The following UBE2V2 variants were observed in gnomAD, a reference collection of about 807,000 sequenced individuals.
UBE2V2 encodes ubiquitin-conjugating enzyme E2 variant 2.
A neutral mutation model predicts 17.2 loss-of-function variants in UBE2V2; 9 were observed. The observed-to-expected ratio is 0.52, with a 90% CI of 0.32 to 0.91. UBE2V2 has a LOEUF of 0.91. Among genes scored for constraint, UBE2V2 ranks in the 40% least tolerant of loss-of-function variants. The probability of loss-of-function intolerance (pLI) is 0.04; values close to 1 mark genes in which losing one functional copy is unlikely to be tolerated. For missense variants in UBE2V2, 133 were observed against 182.6 expected (o/e 0.73, Z 1.56); for synonymous variants, 61 against 57.5 (o/e 1.06, Z -0.28).
chr8:48,011,574 T>TTTGA (rs570262036), intron 1 of UBE2V2, among the ~76,000 whole-genome samples: 2 of 152,228 alleles, frequency 1.3e-5, no homozygotes, highest in Non-Finnish European at 2.9e-5. Flanking sequence ...TGATCTTTAG[T>TTTGA]TCAGTGTGCA....
rs1233932532 is a variant in UBE2V2, at chr8:48,064,224, A to G, written c.*3396A>G. On this transcript the variant is annotated 3_prime_UTR_variant, in exon 4 of 4. Transcript: ENST00000523111. ...GCATCTGTATGTGTAATATCATAGTATCATTTATTGCTGGGATGGATCGAA... is the reference window on the plus strand; with the variant it reads ...GCATCTGTATGTGTAATATCATAGTGTCATTTATTGCTGGGATGGATCGAA... 1 of 152,306 alleles carries G rather than the reference A, an allele frequency of 6.6e-6. No individual in the cohort carries two copies. The highest frequency in any genetic ancestry group is 1.5e-5 in the Non-Finnish European group (1 of 68,026). 9.4% of individuals were successfully genotyped at this position (152,306 alleles called of 1,614,324 possible). A position where few individuals can be genotyped will look rare whatever the true frequency, so the allele number is the denominator to read the frequency against.
At chr8:48,009,454 CG>C (rs1036925844) in intron 1 of UBE2V2, among the ~76,000 whole-genome samples, 66 of 151,814 alleles carry the variant, frequency 4.3e-4, no homozygotes, top group African/African-American at 1.5e-3. Flanking sequence ...TTAGTAGAGA[CG>C]GGGTTTTGTC....
chr8:48,015,895 GT>G (rs1168641766), intron 1 of UBE2V2, among the ~76,000 whole-genome samples: 1,564 of 132,180 alleles, frequency 0.012, 10 homozygotes, highest in African/African-American at 0.039. Context: ...TGTCTGTGTG[GT>G]TTTTTTTTTT....
At chr8:48,057,599 G>A (rs541119826) in intron 3 of UBE2V2, among the ~76,000 whole-genome samples, 3 of 152,020 alleles carry the variant, frequency 2.0e-5, no homozygotes, top group South Asian at 4.2e-4. Context: ...CACTGCACCC[G>A]ACCTTTAAAT....
At chr8:48,058,946 G>A (rs180991409) in intron 3 of UBE2V2, among the ~76,000 whole-genome samples, 50 of 151,890 alleles carry the variant, frequency 3.3e-4, no homozygotes, top group African/African-American at 1.1e-3. Context: ...TTGCTCTGTC[G>A]CCCAGGGTGG....
intron 1 of UBE2V2, among the ~76,000 whole-genome samples, chr8:48,030,851 G>A (rs2091377562): frequency 6.6e-6 from 1 of 151,934 alleles, no homozygotes; most frequent in South Asian, 2.1e-4. Context: ...GTGAAACCCC[G>A]TCTCTACTAA....
intron 1 of UBE2V2, among the ~76,000 whole-genome samples, chr8:48,023,220 C>A (rs905475755): frequency 1.4e-5 from 2 of 143,100 alleles, no homozygotes; most frequent in Non-Finnish European, 3.1e-5. Context: ...TTTAGATATA[C>A]TTTTTTTTTT....
At chr8:48,054,140 C>T (rs556593856) in intron 3 of UBE2V2, among the ~76,000 whole-genome samples, 11 of 152,264 alleles carry the variant, frequency 7.2e-5, no homozygotes, top group South Asian at 2.1e-4. Context: ...AAATGTTCTC[C>T]GTCAGATTGC....
At chr8:48,059,462 G>A (rs1421665278) in intron 3 of UBE2V2, among the ~76,000 whole-genome samples, 6 of 151,824 alleles carry the variant, frequency 4.0e-5, no homozygotes, top group Non-Finnish European at 8.8e-5. Context: ...AGGCTGGAGT[G>A]CAATGGCGTG....
At chr8:48,009,364 C>G (rs960750873) in intron 1 of UBE2V2, among the ~76,000 whole-genome samples, 1 of 150,654 alleles carries the variant, frequency 6.6e-6, no homozygotes, top group Non-Finnish European at 1.5e-5. Context: ...CTCCCAGGTT[C>G]AAGTGATTCT....
chr8:48,042,937 A>G, intron 1 of UBE2V2, 96 bp from the exon 2 acceptor site: 1 of 1,251,736 alleles, frequency 8.0e-7, no homozygotes, highest in Non-Finnish European at 1.0e-6. Context: ...TTGGGAAATA[A>G]TTTATAAAGG....
chr8:48,037,678 C>T (rs1018591803), intron 1 of UBE2V2, among the ~76,000 whole-genome samples: 1 of 152,162 alleles, frequency 6.6e-6, no homozygotes, highest in Non-Finnish European at 1.5e-5. Flanking sequence ...ATGGCTAGAT[C>T]ATGGGCCTAG....
At chr8:48,008,122 A>C (rs2091197546), upstream of UBE2V2, among the ~76,000 whole-genome samples, 1 of 152,028 alleles carries the variant, frequency 6.6e-6, no homozygotes, top group African/African-American at 2.4e-5. Flanking sequence ...GGGTTTCGCC[A>C]TGTTGGCCAG....
At chr8:48,010,647 CT>C (rs1166094354) in intron 1 of UBE2V2, among the ~76,000 whole-genome samples, 2 of 150,316 alleles carry the variant, frequency 1.3e-5, no homozygotes, top group Non-Finnish European at 3.0e-5. Context: ...GTGATCCGGC[CT>C]CCCAAATTGC....
intron 3 of UBE2V2, among the ~76,000 whole-genome samples, chr8:48,056,391 A>G (rs1459075216): frequency 6.6e-6 from 1 of 152,162 alleles, no homozygotes; most frequent in Non-Finnish European, 1.5e-5. Context: ...GTTGGGTCAT[A>G]CGGTATCTAT....
At chr8:48,040,030 G>T (rs991681351) in intron 1 of UBE2V2, among the ~76,000 whole-genome samples, 7 of 149,924 alleles carry the variant, frequency 4.7e-5, no homozygotes, top group African/African-American at 1.7e-4. Context: ...ACCATGCCCA[G>T]CCTTTTCTAC....
intron 1 of UBE2V2, among the ~76,000 whole-genome samples, chr8:48,017,416 C>G (rs1053324635): frequency 1.3e-5 from 2 of 151,268 alleles, no homozygotes; most frequent in African/African-American, 4.9e-5. Context: ...TCTTGTTGCC[C>G]AGGCTGGAGT....
chr8:48,060,049 T>C (rs1802567147), intron 3 of UBE2V2, among the ~76,000 whole-genome samples: 1 of 150,584 alleles, frequency 6.6e-6, no homozygotes, highest in Non-Finnish European at 1.5e-5. Context: ...CTACGAAAAA[T>C]AGAAAAATTA....
intron 1 of UBE2V2, among the ~76,000 whole-genome samples, chr8:48,023,208 T>C (rs545959829): frequency 1.3e-5 from 2 of 152,076 alleles, no homozygotes; most frequent in South Asian, 4.2e-4. Context: ...TGCTACTTTT[T>C]CTTTAGATAT....
Sources: allele counts gnomAD v4.1 joint callset (sites outside exome capture counted in the v4.1 genomes callset), GRCh38; gene constraint gnomAD v4.1.1; transcripts MANE v1.5; gene names NCBI Gene and HGNC (gene_info 2026-07-23, HGNC 2026-07-21).